Variants in FBN3 observed in about 807,000 individuals in gnomAD.
The protein encoded by FBN3 is fibrillin-3.
Under a neutral mutation model 330.1 loss-of-function variants are expected in FBN3, and 234 were observed. The observed-to-expected ratio is 0.71, with a 90% CI of 0.64 to 0.79. FBN3 has a LOEUF of 0.79. FBN3 is among the 30% of genes least tolerant of loss of function. The pLI is 0.00. For missense variants in FBN3, 3,606 were observed against 3,886.9 expected, an observed-to-expected ratio of 0.93 and a Z score of 1.92; for synonymous variants, 1,458 against 1,517.3, an observed-to-expected ratio of 0.96 and a Z score of 0.91.
At chr19:8,085,279 A>AC in intron 56 of FBN3, 84 bp downstream of exon 56, 3 of 1,149,426 alleles carry the variant, frequency 2.6e-6, no homozygotes, top group South Asian at 2.8e-5. Context: ...ACATTCCAGC[A>AC]CCTGCTGCAG....
chr19:8,118,861 TA>T, intron 26 of FBN3, 35 bp downstream of exon 26: 3 of 1,590,914 alleles, frequency 1.9e-6, no homozygotes, highest in Non-Finnish European at 2.6e-6. Context: ...ACACATGGGC[TA>T]ACACTCACAC....
intron 63 of FBN3, 22 bp from the exon 64 acceptor site, chr19:8,066,282 G>T: frequency 4.7e-6 from 7 of 1,496,110 alleles, no homozygotes; most frequent in Non-Finnish European, 6.3e-6. Flanking sequence ...GGCCAGGTGT[G>T]TGGTCAGAGC....
chr19:8,093,025 CA>C (rs1454664167), intron 47 of FBN3, among the ~76,000 whole-genome samples: 1 of 151,646 alleles, frequency 6.6e-6, no homozygotes, highest in African/African-American at 2.4e-5. Context: ...TCCATGTAAC[CA>C]AAAACCACCT....
Position 8,073,154 on chromosome 19 carries a change from C to A in FBN3, c.7846G>T (p.Gly2616Ter). 2 of 1,613,856 alleles carry A rather than the reference C, an allele frequency of 1.2e-6. No homozygotes were observed. Among genetic ancestry groups the A allele is most frequent in the Non-Finnish European group, 1.7e-6 (2 of 1,179,964 alleles). The change falls in exon 62 of 64, where the codon GGA (glycine) becomes TGA (stop). Residue 2616 changes from glycine to a stop codon, truncating the protein, a stop_gained. Coordinates refer to ENST00000600128, the MANE Select transcript of FBN3 (RefSeq NM_032447.5). LOFTEE classifies it high-confidence loss of function. ...CTGTAGCTACAGGGGCCACGCCGTC[C>A]GGCGCACTCATCCACCTCCTGGCAG... Reference protein sequence around the residue: ...GGCQEVDECAGRRGPCSYSCA... With the variant: ...GGCQEVDECA
intron 38 of FBN3, among the ~76,000 whole-genome samples, chr19:8,104,812 T>C (rs2082402762): frequency 6.6e-6 from 1 of 152,184 alleles, no homozygotes; most frequent in Admixed American, 6.5e-5. Flanking sequence ...GCAAACACAC[T>C]GTGGCACTGG....
intron 42 of FBN3, 125 bp downstream of exon 42, chr19:8,097,164 G>A: frequency 8.2e-6 from 12 of 1,464,448 alleles, no homozygotes; most frequent in Non-Finnish European, 1.1e-5. Context: ...CCTTGGAAAG[G>A]TGTTAGCCCA....
chr19:8,116,612 T>TA, intron 29 of FBN3, 62 bp downstream of exon 29: 1 of 1,542,806 alleles, frequency 6.5e-7, no homozygotes, highest in Non-Finnish European at 8.9e-7. Flanking sequence ...GTGGAAGACC[T>TA]GGTGTGTGAA....
rs148484781 is a variant in FBN3 at position 8,125,916 on chromosome 19, C to T, written c.2707G>A (p.Asp903Asn). The change falls in exon 22 of 64, where the codon GAC (aspartate) becomes AAC (asparagine). Residue 903 changes from aspartate (D) to asparagine (N), a missense_variant. By Grantham distance (23) the Asp-to-Asn change is conservative (BLOSUM62 1). Transcript: ENST00000600128. Reference protein sequence around the residue: ...RCECPEGLMLDASGRLCVDVR... With the variant: ...RCECPEGLMLNASGRLCVDVR... ...CCCACGCACAGCCGGCCTGAGGCGT[C>T]CAGCATCAGGCCCTCTGGACACTCA... 11 of 1,613,268 alleles carry T rather than the reference C, an allele frequency of 6.8e-6. No individual in the cohort carries two copies. Among genetic ancestry groups the T allele is most frequent in the Non-Finnish European group, 9.3e-6 (11 of 1,179,942 alleles).
chr19:8,141,052 G>A (rs931990897), intron 8 of FBN3, among the ~76,000 whole-genome samples: 2 of 151,506 alleles, frequency 1.3e-5, no homozygotes, highest in African/African-American at 2.4e-5. Context: ...AAAATTATCC[G>A]GGCGTGGTAG....
At position 8,145,933 on chromosome 19, in the gene FBN3, C is replaced by A; in HGVS notation, c.355G>T (p.Gly119Trp). The A allele has an allele frequency of 1.3e-6, 2 of 1,551,194 alleles. No homozygotes were observed. Among genetic ancestry groups the A allele is most frequent in the Non-Finnish European group, 1.7e-6 (2 of 1,146,910 alleles). Residue 119 changes from glycine (G) to tryptophan (W), a missense_variant, in exon 5 of 64, where the codon GGG (glycine) becomes TGG (tryptophan). Transcript: ENST00000600128. ...APSCGVSRGS[G>W]CSVSCMNGGT... ...CCATTCATACAGCTCACACTGCACC[C>A]TGACCCTGGGGACAGGAAGGCAGGA...
chr19:8,108,307 C>T lies in FBN3; in HGVS notation c.4619-69G>A, dbSNP rs1042484892. The T allele has an allele frequency of 3.1e-6, 4 of 1,275,568 alleles. No homozygotes were observed. The African/African-American group carries it at 4.5e-5, about 14-fold the overall frequency. 79.0% of individuals were successfully genotyped at this position (1,275,568 alleles called of 1,614,324 possible). On this transcript the variant is annotated intron_variant, in intron 36 of 63. Transcript: ENST00000600128. ...AAGCTTAGGGGAAACAGGGGAGCAA[C>T]AGCAGGAAGCCTGAAAAGGGCTCAA...
At position 8,072,163 on chromosome 19, in the gene FBN3, G is replaced by A. The variant is rs753438174; in HGVS notation, c.7973C>T (p.Pro2658Leu). The change falls in exon 63 of 64, where the codon CCC becomes CTC. Residue 2658 changes from proline to leucine, a missense_variant. Coordinates refer to ENST00000600128, the MANE Select transcript of FBN3 (RefSeq NM_032447.5). Reference sequence around the variant, plus strand: ...CTCCTCTTTGTCCGGGGTGTCCTGGGGTCCGGGGCTGAAGCCCAGGCCGGA... The same window carrying A: ...CTCCTCTTTGTCCGGGGTGTCCTGGAGTCCGGGGCTGAAGCCCAGGCCGGA... ...CVSGLGFSPGPQDTPDKEELL... is the reference protein window; with the variant it reads ...CVSGLGFSPGLQDTPDKEELL... The A allele has an allele frequency of 5.0e-6, 8 of 1,588,598 alleles. No individual in the cohort carries two copies. The highest frequency in any genetic ancestry group is 6.8e-6 in the Non-Finnish European group (8 of 1,168,088).
chr19:8,135,945 C>CCCCCCCCCCCCCCA lies in FBN3; in HGVS notation c.1591+15_1591+16insTGGGGGGGGGGGGG. On this transcript the variant is annotated intron_variant, in intron 13 of 63. Coordinates refer to ENST00000600128, the MANE Select transcript of FBN3 (RefSeq NM_032447.5). ...GGGCCCGGAAGCCCCTGCCCACCCG[C>CCCCCCCCCCCCCCA]CCACCCCCAACTCACCCACACAGTT... 2.0e-6 allele frequency: 1 copy of CCCCCCCCCCCCCCA among 488,814 alleles called. No individual in the cohort carries two copies. Among genetic ancestry groups the CCCCCCCCCCCCCCA allele is most frequent in the Non-Finnish European group, 4.0e-6 (1 of 249,008 alleles). 30.3% of individuals were successfully genotyped at this position (488,814 alleles called of 1,614,324 possible). A position where few individuals can be genotyped will look rare whatever the true frequency, so the allele number is the denominator to read the frequency against.
chr19:8,138,243 C>T lies in FBN3; in HGVS notation c.1099G>A (p.Gly367Arg), dbSNP rs766315700. Reference protein sequence around the residue: ...PGLFPGLLGFGSNGMGPPLGP... With the variant: ...PGLFPGLLGFRSNGMGPPLGP... ...AGAGGGGGACCCATGCCATTGGATC[C>T]GAAGCCCAGGAGGCCAGGGAAGAGG... is the stretch of plus-strand genomic sequence containing the variant. The change falls in exon 10 of 64, where the codon GGA becomes AGA. Residue 367 changes from glycine (G) to arginine (R), a missense_variant. Transcript: ENST00000600128. The T allele has an allele frequency of 1.1e-5, 17 of 1,611,876 alleles. No individual in the cohort carries two copies. In the East Asian group the frequency reaches 1.8e-4, roughly 17 times the overall value.
chr19:8,080,078 G>A (rs1461595515), intron 59 of FBN3, among the ~76,000 whole-genome samples: 3 of 152,222 alleles, frequency 2.0e-5, no homozygotes, highest in Non-Finnish European at 4.4e-5. Context: ...TGCCAATATA[G>A]TGCAAAAGCA....
Position 8,096,761 on chromosome 19 carries a change from A to C in FBN3, c.5413+120T>G. 7.6e-7 allele frequency: 1 copy of C among 1,319,426 alleles called. No homozygotes were observed. Among genetic ancestry groups the C allele is most frequent in the Non-Finnish European group, 1.0e-6 (1 of 955,922 alleles). The allele number at this position is 1,319,426 out of a possible 1,614,324, so 81.7% of individuals were successfully genotyped here. A position where few individuals can be genotyped will look rare whatever the true frequency, so the allele number is the denominator to read the frequency against. Reference sequence around the variant, plus strand: ...TCCTATTAACAGACACTCTCAATACATCCCCCACCCCCCTAATAGTATAGA... The same window carrying C: ...TCCTATTAACAGACACTCTCAATACCTCCCCCACCCCCCTAATAGTATAGA... On this transcript the variant is annotated intron_variant, in intron 43 of 63. Coordinates refer to ENST00000600128, the MANE Select transcript of FBN3 (RefSeq NM_032447.5). This position sits in a 1 kb window ranked among gnomAD's most constrained non-coding sequence, Gnocchi z 4.6.
At chr19:8,111,476 C>A (rs549779746) in intron 32 of FBN3, among the ~76,000 whole-genome samples, 172 bp downstream of exon 32, 1 of 152,036 alleles carries the variant, frequency 6.6e-6, no homozygotes, top group Non-Finnish European at 1.5e-5. Context: ...TCAAGGGAGC[C>A]GTGGGCAGGC....
chr19:8,088,065 C>T lies in FBN3; in HGVS notation c.6491G>A (p.Cys2164Tyr), dbSNP rs1817432324. 1 of 1,613,996 alleles carries T rather than the reference C, an allele frequency of 6.2e-7. No homozygotes were observed. Among genetic ancestry groups the T allele is most frequent in the South Asian group, 1.1e-5 (1 of 91,080 alleles). Reference protein sequence around the residue: ...DGFEPGLMMTCEDIDECSLNP... With the variant: ...DGFEPGLMMTYEDIDECSLNP... ...CTGGGCAAGCAGAGTTGTACCCTCG[C>T]AGGTCATCATGAGGCCAGGCTCAAA... The change falls in exon 52 of 64, where the codon TGC becomes TAC. Residue 2164 changes from cysteine (C) to tyrosine (Y), a missense_variant. Cys to Tyr is a radical substitution (Grantham distance 194). Transcript: ENST00000600128.
chr19:8,107,574 TGGATGGATGGAG>T (rs2082474049), intron 37 of FBN3, among the ~76,000 whole-genome samples: 1 of 143,812 alleles, frequency 7.0e-6, no homozygotes, highest in South Asian at 2.2e-4. Flanking sequence ...GATGGATGGA[TGGATGGATGGAG>T]GGATGAATGG....
Sources: gnomAD v4.1 joint callset for allele counts (sites outside exome capture counted in the v4.1 genomes callset) on GRCh38, gnomAD v4.1.1 for gene constraint, Gnocchi (gnomAD v3.1) non-coding constraint, MANE v1.5 for transcripts, NCBI Gene and HGNC (gene_info 2026-07-23, HGNC 2026-07-21) for gene names.